FANK1: variants seen among roughly 807,000 people sequenced by gnomAD.
The protein encoded by FANK1 is fibronectin type 3 and ankyrin repeat domains protein 1.
A neutral mutation model predicts 45.3 loss-of-function variants in FANK1; 44 were observed. The ratio of observed to expected loss-of-function variants is 0.97; its 90% CI spans 0.76 to 1.25. FANK1 has a LOEUF of 1.25. Ranked by LOEUF, FANK1 falls within the 50% of genes most tolerant of loss-of-function variation. FANK1 has a pLI of 0.00. For missense variants in FANK1, 391 were observed against 424.4 expected, an observed-to-expected ratio of 0.92 and a Z score of 0.69; for synonymous variants, 149 against 152.5, an observed-to-expected ratio of 0.98 and a Z score of 0.17.
chr10:125,959,356 A>G (rs949437154), intron 1 of FANK1, among the ~76,000 whole-genome samples: 4 of 147,330 alleles, frequency 2.7e-5, no homozygotes, highest in African/African-American at 7.6e-5. Context: ...TGAGGTTACA[A>G]GGAACTGAGA....
chr10:125,994,997 T>C (rs1952215802), intron 3 of FANK1: 14 of 964,576 alleles, frequency 1.5e-5, no homozygotes, highest in Non-Finnish European at 1.7e-5. Flanking sequence ...AAAATTTTAA[T>C]TTCAAATGTT....
intron 1 of FANK1, among the ~76,000 whole-genome samples, chr10:125,923,259 G>T (rs1364852608): frequency 1.3e-5 from 2 of 151,004 alleles, no homozygotes; most frequent in Non-Finnish European, 2.9e-5. Context: ...AGTAGTTCAA[G>T]ACCAGCCTGG....
intron 6 of FANK1, 116 bp from the exon 7 acceptor site, chr10:126,004,768 C>G: frequency 1.0e-6 from 1 of 997,864 alleles, no homozygotes; most frequent in Non-Finnish European, 1.5e-6. Flanking sequence ...TGAACAGTTC[C>G]CATGGCTTTT....
At position 125,983,289 on chromosome 10, in the gene FANK1, T is replaced by C. The variant is rs1051690725; in HGVS notation, c.191+2951T>C. On this transcript the variant is annotated intron_variant, in intron 2 of 10. Transcript: ENST00000368693. This position sits in a 1 kb window ranked among gnomAD's most constrained non-coding sequence, Gnocchi z 4.3. Reference sequence around the variant, plus strand: ...CCCTATTGTCTGTGCCCTAAATTCCTGTGATCGTTGCTGCCCATGCCACGC... The same window carrying C: ...CCCTATTGTCTGTGCCCTAAATTCCCGTGATCGTTGCTGCCCATGCCACGC... 1.3e-5 allele frequency among the ~76,000 whole-genome samples: 2 copies of C among 152,160 alleles called. No homozygotes were observed. The highest frequency in any genetic ancestry group is 4.8e-5 in the African/African-American group (2 of 41,436).
At chr10:125,904,647 A>G (rs1475205668) in intron 1 of FANK1, among the ~76,000 whole-genome samples, 3 of 149,124 alleles carry the variant, frequency 2.0e-5, no homozygotes, top group Non-Finnish European at 4.5e-5. Flanking sequence ...AAGTGCTGGG[A>G]TTACAGGCAT....
intron 3 of FANK1, chr10:125,995,046 C>A: frequency 1.4e-6 from 1 of 704,584 alleles, no homozygotes; most frequent in Non-Finnish European, 1.7e-6. Flanking sequence ...AGTAGTTTAA[C>A]ATCTCTTTGG....
intron 1 of FANK1, among the ~76,000 whole-genome samples, chr10:125,916,960 C>T (rs75508269): frequency 1.4e-5 from 2 of 144,960 alleles, no homozygotes; most frequent in East Asian, 2.0e-4. Context: ...CTGAATGATA[C>T]GTCCTGCTGT....
chr10:125,954,667 C>T (rs1185264584), intron 1 of FANK1, among the ~76,000 whole-genome samples: 1 of 152,022 alleles, frequency 6.6e-6, no homozygotes, highest in East Asian at 1.9e-4. Context: ...CGCCTGTAAT[C>T]CCGGCACTTT....
chr10:125,962,651 T>C (rs1171410763), intron 1 of FANK1, among the ~76,000 whole-genome samples: 1 of 152,156 alleles, frequency 6.6e-6, no homozygotes, highest in Non-Finnish European at 1.5e-5. Context: ...GTTCTAAGTA[T>C]TTTTAAAATA....
intron 6 of FANK1, among the ~76,000 whole-genome samples, chr10:126,001,877 C>A (rs1952783751): frequency 6.6e-6 from 1 of 152,080 alleles, no homozygotes; most frequent in Non-Finnish European, 1.5e-5. Flanking sequence ...ATTAAACAAT[C>A]CTCCTCACCA....
rs752058228 is a variant in FANK1, at chr10:126,009,464, G to A, written c.*26G>A. The A allele has an allele frequency of 1.9e-5, 31 of 1,611,054 alleles. No individual in the cohort carries two copies. Among genetic ancestry groups the A allele is most frequent in the East Asian group, 6.7e-5 (3 of 44,860 alleles). ...TGAGAGCACCACTCATCTGCGAAAC[G>A]CACGTAAAACAAAGTGAACCGTGAC... On this transcript the variant is annotated 3_prime_UTR_variant, in exon 11 of 11. Coordinates refer to ENST00000368693, the MANE Select transcript of FANK1 (RefSeq NM_145235.5).
At position 125,945,225 on chromosome 10, in the gene FANK1, A is replaced by T. The variant is rs200087372; in HGVS notation, c.14-34936A>T. 2.0e-4 allele frequency among the ~76,000 whole-genome samples: 31 copies of T among 152,312 alleles called. 1 individual carries two copies. The East Asian group carries it at 6.0e-3, about 29-fold the overall frequency. On this transcript the variant is annotated intron_variant, in intron 1 of 10. Coordinates refer to ENST00000368693, the MANE Select transcript of FANK1 (RefSeq NM_145235.5). Reference sequence around the variant, plus strand: ...GTCTTGTTAAAAAAAATTTAATAAGAACAAAACAACTGGGGGGAGGAGCCA... The same window carrying T: ...GTCTTGTTAAAAAAAATTTAATAAGTACAAAACAACTGGGGGGAGGAGCCA...
intron 7 of FANK1, 38 bp from the exon 8 acceptor site, chr10:126,008,369 A>T: frequency 6.5e-7 from 1 of 1,537,344 alleles, no homozygotes. Context: ...TAAGAAAAAG[A>T]AATTGGGCTC....
rs541554015 is a variant in FANK1 at position 125,994,627 on chromosome 10, G to T, written c.317-790G>T. ...GGTGTTATTTCATTTAAGCTTAATT[G>T]TGATACTTTTTAAAATCAGAAGGTG... On this transcript the variant is annotated intron_variant, in intron 3 of 10. Coordinates refer to ENST00000368693, the MANE Select transcript of FANK1 (RefSeq NM_145235.5). 1,610 of 985,390 alleles carry T rather than the reference G, an allele frequency of 1.6e-3. 1 individual carries two copies. Among genetic ancestry groups the T allele is most frequent in the Admixed American group, 2.0e-3 (33 of 16,276 alleles). The allele number at this position is 985,390 out of a possible 1,614,324, so 61.0% of individuals were successfully genotyped here. A position where few individuals can be genotyped will look rare whatever the true frequency, so the allele number is the denominator to read the frequency against.
chr10:125,992,878 T>C (rs1952043049), intron 3 of FANK1, among the ~76,000 whole-genome samples: 1 of 152,222 alleles, frequency 6.6e-6, no homozygotes, highest in Admixed American at 6.5e-5. Flanking sequence ...TTTAACACTT[T>C]GCGGGAGGAT....
intron 1 of FANK1, among the ~76,000 whole-genome samples, chr10:125,934,783 A>T (rs1168450747): frequency 1.7e-5 from 2 of 117,796 alleles, no homozygotes; most frequent in African/African-American, 3.3e-5. Context: ...AGAGAAAGAC[A>T]GTTGGAATGT....
At chr10:125,979,417 G>C (rs1259164856) in intron 1 of FANK1, among the ~76,000 whole-genome samples, 1 of 152,120 alleles carries the variant, frequency 6.6e-6, no homozygotes. Context: ...AGGGATATGT[G>C]TATTTTTAAT....
chr10:125,928,027 TC>T (rs1457560493), intron 1 of FANK1, among the ~76,000 whole-genome samples: 2 of 152,178 alleles, frequency 1.3e-5, no homozygotes, highest in African/African-American at 4.8e-5. Flanking sequence ...TTGTTTCCCA[TC>T]CTTCTGTTGT....
At chr10:125,976,021 G>A (rs1206819916) in intron 1 of FANK1, among the ~76,000 whole-genome samples, 1 of 152,086 alleles carries the variant, frequency 6.6e-6, no homozygotes, top group Non-Finnish European at 1.5e-5. Flanking sequence ...GGCAGGTCTG[G>A]TAATGAAGTT....
Sources: gnomAD v4.1 joint callset for allele counts (sites outside exome capture counted in the v4.1 genomes callset) on GRCh38, gnomAD v4.1.1 for gene constraint, Gnocchi (gnomAD v3.1) non-coding constraint, MANE v1.5 for transcripts, NCBI Gene and HGNC (gene_info 2026-07-23, HGNC 2026-07-21) for gene names.